The following NRG1 variants were observed in gnomAD, a reference collection of about 807,000 sequenced individuals.
The protein encoded by NRG1 is pro-neuregulin-1, membrane-bound isoform.
Under a neutral mutation model 63.8 loss-of-function variants are expected in NRG1, and 18 were observed. That is an observed-to-expected ratio of 0.28 (90% CI 0.19 to 0.42). The LOEUF (loss-of-function observed/expected upper bound fraction) is 0.42. NRG1 is among the 10% of genes least tolerant of loss of function. The pLI is 1.00. For synonymous variants in NRG1, 302 were observed against 301.3 expected, an observed-to-expected ratio of 1.00 and a Z score of -0.02; for missense variants, 762 against 814.7, an observed-to-expected ratio of 0.94 and a Z score of 0.79.
At chr8:32,307,586 G>GGGGTGT (rs1554503437) in intron 1 of NRG1, among the ~76,000 whole-genome samples, 1 of 108,898 alleles carries the variant, frequency 9.2e-6, no homozygotes, top group Non-Finnish European at 2.1e-5. Flanking sequence ...GTCACCCAGG[G>GGGGTGT]GTTTGTGTGT....
chr8:32,308,368 T>A (rs144170140), intron 1 of NRG1, among the ~76,000 whole-genome samples: 2 of 152,340 alleles, frequency 1.3e-5, no homozygotes, highest in East Asian at 1.9e-4. Flanking sequence ...TACTGATTGT[T>A]GTCTCCAAAA....
intron 1 of NRG1, among the ~76,000 whole-genome samples, chr8:32,309,000 T>A (rs974842084): frequency 6.6e-6 from 1 of 152,198 alleles, no homozygotes; most frequent in Admixed American, 6.5e-5. Context: ...ATTTGTTTTT[T>A]TCTGGTGGCT....
At chr8:32,300,066 G>T (rs1446548796) in intron 1 of NRG1, among the ~76,000 whole-genome samples, 1 of 151,918 alleles carries the variant, frequency 6.6e-6, no homozygotes, top group African/African-American at 2.4e-5. Flanking sequence ...CCTACCACAG[G>T]CAAATACCTC....
intron 1 of NRG1, among the ~76,000 whole-genome samples, chr8:32,134,697 A>G (rs1017803121): frequency 1.3e-5 from 2 of 152,130 alleles, no homozygotes; most frequent in African/African-American, 4.8e-5. Context: ...TATACCAGAT[A>G]TTAATAAGTA....
At chr8:32,291,250 C>T (rs754408748) in intron 1 of NRG1, among the ~76,000 whole-genome samples, 2 of 152,104 alleles carry the variant, frequency 1.3e-5, no homozygotes, top group Non-Finnish European at 2.9e-5. Context: ...AATCTAAAGC[C>T]ACCCTCACAG....
At chr8:32,316,506 C>T (rs1045555146) in intron 1 of NRG1, among the ~76,000 whole-genome samples, 16 of 151,136 alleles carry the variant, frequency 1.1e-4, no homozygotes, top group African/African-American at 3.9e-4. Context: ...CCTAAGGATT[C>T]CTGGTTCCTG....
chr8:31,777,354 G>T (rs1364135938), intron 1 of NRG1, among the ~76,000 whole-genome samples: 3 of 152,206 alleles, frequency 2.0e-5, no homozygotes, highest in African/African-American at 7.2e-5. Context: ...CTGTTAGGGA[G>T]ATAGCTGTTG....
At chr8:32,313,161 ATTCACATGAT>A (rs1857011753) in intron 1 of NRG1, among the ~76,000 whole-genome samples, 2 of 152,196 alleles carry the variant, frequency 1.3e-5, no homozygotes, top group Non-Finnish European at 2.9e-5. Context: ...TCATATATAT[ATTCACATGAT>A]TTAGGAAATT....
intron 1 of NRG1, among the ~76,000 whole-genome samples, chr8:32,185,261 T>C (rs1000019072): frequency 2.0e-5 from 3 of 152,206 alleles, no homozygotes; most frequent in Admixed American, 6.5e-5. Context: ...ATTATTTCTG[T>C]AAACAGGTAA....
chr8:31,924,996 CT>C (rs1834222635), intron 1 of NRG1, among the ~76,000 whole-genome samples: 1 of 151,138 alleles, frequency 6.6e-6, no homozygotes, highest in East Asian at 1.9e-4. Context: ...TTAAAATGAA[CT>C]TGTTTTATTG....
intron 1 of NRG1, among the ~76,000 whole-genome samples, chr8:32,119,694 T>G (rs377438638): frequency 6.6e-6 from 1 of 151,992 alleles, no homozygotes; most frequent in Non-Finnish European, 1.5e-5. Flanking sequence ...TCCAGCTAGA[T>G]GAATTGGAAA....
chr8:32,567,565 T>C (rs1417581380), intron 1 of NRG1, among the ~76,000 whole-genome samples: 5 of 152,236 alleles, frequency 3.3e-5, no homozygotes, highest in East Asian at 3.8e-4. Context: ...CATTATCTGA[T>C]GCCACTGGAT....
At chr8:32,272,465 G>A (rs555042777) in intron 1 of NRG1, among the ~76,000 whole-genome samples, 20 of 152,262 alleles carry the variant, frequency 1.3e-4, no homozygotes, top group Admixed American at 9.8e-4. Context: ...GGACACAAAC[G>A]TTCCATCCAT....
chr8:32,073,173 G>T (rs1373107819), intron 1 of NRG1, among the ~76,000 whole-genome samples: 3 of 152,112 alleles, frequency 2.0e-5, no homozygotes, highest in Non-Finnish European at 4.4e-5. Flanking sequence ...TGCCCTTTGG[G>T]TGTTCCGCGT....
chr8:32,593,481 C>G (rs1842845304), intron 1 of NRG1, among the ~76,000 whole-genome samples: 1 of 150,118 alleles, frequency 6.7e-6, no homozygotes, highest in African/African-American at 2.4e-5. Context: ...TGGCGAAACT[C>G]TGTCTCTATG....
At chr8:31,979,230 T>C (rs748796581) in intron 1 of NRG1, among the ~76,000 whole-genome samples, 21 of 152,128 alleles carry the variant, frequency 1.4e-4, no homozygotes, top group Non-Finnish European at 2.5e-4. Context: ...ATTTATTCTC[T>C]ATGGGTTAAC....
intron 1 of NRG1, among the ~76,000 whole-genome samples, chr8:31,782,427 G>A (rs533500862): frequency 2.0e-4 from 30 of 152,102 alleles, no homozygotes; most frequent in African/African-American, 6.5e-4. Flanking sequence ...ACTAATGACC[G>A]TCTGGCAGAT....
intron 1 of NRG1, among the ~76,000 whole-genome samples, chr8:31,875,925 G>A (rs1829877624): frequency 6.6e-6 from 1 of 152,100 alleles, no homozygotes; most frequent in African/African-American, 2.4e-5. Context: ...GCTATTGAGA[G>A]ACACCTAGGT....
chr8:32,660,762 G>A (rs1802656650), intron 5 of NRG1, among the ~76,000 whole-genome samples: 2 of 152,166 alleles, frequency 1.3e-5, no homozygotes, highest in Non-Finnish European at 2.9e-5. Context: ...GGCTTTTTGT[G>A]AGGATCAAAT....
Sources: gnomAD v4.1 joint callset for allele counts (sites outside exome capture counted in the v4.1 genomes callset) on GRCh38, gnomAD v4.1.1 for gene constraint, MANE v1.5 for transcripts, NCBI Gene and HGNC (gene_info 2026-07-23, HGNC 2026-07-21) for gene names.